CUL9: variants seen among roughly 807,000 people sequenced by gnomAD.
CUL9 encodes the protein cullin-9.
CUL9 carries 79 observed loss-of-function variants against 272.6 expected under a neutral mutation model. That is an observed-to-expected ratio of 0.29 (90% CI 0.24 to 0.35). The LOEUF is 0.35. Ranked by LOEUF, CUL9 falls within the 10% of genes least tolerant of loss-of-function variation. The probability of loss-of-function intolerance (pLI) is 1.00; values close to 1 mark genes in which losing one functional copy is unlikely to be tolerated. For synonymous variants in CUL9, 1,186 were observed against 1,286.5 expected, an observed-to-expected ratio of 0.92 and a Z score of 1.67; for missense variants, 2,532 against 3,255.6, an observed-to-expected ratio of 0.78 and a Z score of 5.41.
At position 43,184,496 on chromosome 6, in the gene CUL9, C is replaced by T; in HGVS notation, c.186C>T (p.His62=). The T allele has an allele frequency of 6.2e-7, 1 of 1,612,974 alleles. No individual in the cohort carries two copies. The highest frequency in any genetic ancestry group is 1.7e-4 in the Middle Eastern group (1 of 6,060). ...GTGTGGAAGAAGGCAAAGCAGAGCACATCCTCATGTGGCTGTCGGCTCCTG... is the reference window on the plus strand; with the variant it reads ...GTGTGGAAGAAGGCAAAGCAGAGCATATCCTCATGTGGCTGTCGGCTCCTG... The part of the protein sequence containing the change: ...KVGVEEGKAE[H]ILMWLSAPEV... The change falls in exon 2 of 41, where the codon CAC becomes CAT. Residue 62 remains histidine (H), a synonymous_variant. Coordinates refer to ENST00000252050, the MANE Select transcript of CUL9 (RefSeq NM_015089.4). This position sits in a 1 kb window ranked among gnomAD's most constrained non-coding sequence, Gnocchi z 4.8.
chr6:43,216,562 C>T (rs1775952786), intron 31 of CUL9, 59 bp downstream of exon 31: 3 of 1,473,072 alleles, frequency 2.0e-6, no homozygotes, highest in Non-Finnish European at 2.7e-6. Context: ...TAACAAAATT[C>T]CTTGGGAATT....
Position 43,223,589 on chromosome 6 carries a change from C to T in CUL9, c.7284+192C>T. On this transcript the variant is annotated intron_variant, in intron 39 of 40. Coordinates refer to ENST00000252050, the MANE Select transcript of CUL9 (RefSeq NM_015089.4). This position sits in a 1 kb window ranked among gnomAD's most constrained non-coding sequence, Gnocchi z 4.1. Reference sequence around the variant, plus strand: ...GATGCTGCTGGACCCTATCACTTCACCTCCTGGGGATTCCTACAAAATAAA... The same window carrying T: ...GATGCTGCTGGACCCTATCACTTCATCTCCTGGGGATTCCTACAAAATAAA... 4.4e-6 allele frequency: 3 copies of T among 677,044 alleles called. No homozygotes were observed. The South Asian group carries it at 6.3e-5, about 14-fold the overall frequency. 41.9% of individuals were successfully genotyped at this position (677,044 alleles called of 1,614,324 possible). A position where few individuals can be genotyped will look rare whatever the true frequency, so the allele number is the denominator to read the frequency against.
intron 30 of CUL9, among the ~76,000 whole-genome samples, chr6:43,215,686 G>A (rs944889470): frequency 2.0e-5 from 3 of 152,306 alleles, no homozygotes; most frequent in South Asian, 2.1e-4. Flanking sequence ...CATGCCTGCT[G>A]TTTGCATCAT....
chr6:43,223,212 G>A lies in CUL9; in HGVS notation c.7151-52G>A. The stretch of plus-strand genomic sequence containing the variant: ...TTCCATAGGTGTTTGTTGGAGGAAG[G>A]AATGGATGAGAATGAGAAGGGAGGG... On this transcript the variant is annotated intron_variant, in intron 38 of 40. Coordinates refer to ENST00000252050, the MANE Select transcript of CUL9 (RefSeq NM_015089.4). This position sits in a 1 kb window ranked among gnomAD's most constrained non-coding sequence, Gnocchi z 4.1. The A allele has an allele frequency of 6.5e-7, 1 of 1,548,202 alleles. No individual in the cohort carries two copies. Among genetic ancestry groups the A allele is most frequent in the Non-Finnish European group, 8.8e-7 (1 of 1,141,430 alleles).
At position 43,213,514 on chromosome 6, in the gene CUL9, C is replaced by T. The variant is rs1435524746; in HGVS notation, c.5435C>T (p.Thr1812Ile). 2.5e-6 allele frequency: 4 copies of T among 1,613,680 alleles called. No homozygotes were observed. In the East Asian group the frequency reaches 8.9e-5, roughly 36 times the overall value. ...ELLLQALVPL[T>I]SGNGPLTLHE... ...CTGCTCCAGGCACTCGTGCCCCTCA[C>T]CTCAGGGAATGGCCCTTTGACCCTG... Residue 1812 changes from threonine (T) to isoleucine (I), a missense_variant, in exon 28 of 41, where the codon ACC becomes ATC. This residue lies in a region of CUL9 where 2,218 missense variants were observed against 2,788.6 expected (regional missense o/e 0.80). Coordinates refer to ENST00000252050, the MANE Select transcript of CUL9 (RefSeq NM_015089.4). This position sits in a 1 kb window ranked among gnomAD's most constrained non-coding sequence, Gnocchi z 5.7.
At chr6:43,216,862 G>A (rs1775983761) in intron 31 of CUL9, among the ~76,000 whole-genome samples, 1 of 152,156 alleles carries the variant, frequency 6.6e-6, no homozygotes, top group South Asian at 2.1e-4. Context: ...GCCTCCTCAC[G>A]GGATTCCCAT....
Position 43,216,147 on chromosome 6 carries a change from C to A in CUL9, c.5937-11C>A, listed in dbSNP as rs375700030. 78 of 1,596,342 alleles carry A rather than the reference C, an allele frequency of 4.9e-5. No individual in the cohort carries two copies. In the African/African-American group the frequency reaches 9.7e-4, roughly 20 times the overall value. On this transcript the variant is annotated splice_polypyrimidine_tract_variant and intron_variant, in intron 30 of 40. Coordinates refer to ENST00000252050, the MANE Select transcript of CUL9 (RefSeq NM_015089.4). ...AGGAATACTGACTTCTGTCTCTTCC[C>A]TCCCCACAAGCCCAGAAGCTGTGGC...
chr6:43,210,345 A>T (rs1325663378), intron 26 of CUL9, among the ~76,000 whole-genome samples: 1 of 152,202 alleles, frequency 6.6e-6, no homozygotes, highest in Non-Finnish European at 1.5e-5. Context: ...CAGGTTATGC[A>T]TTCCCAGGCA....
At chr6:43,188,754 T>G (rs760912226) in intron 8 of CUL9, 39 bp downstream of exon 8, 7 of 1,509,986 alleles carry the variant, frequency 4.6e-6, no homozygotes, top group South Asian at 2.5e-5. Flanking sequence ...TGGTTGAAGC[T>G]GTAGGCAAAG....
At position 43,206,542 on chromosome 6, in the gene CUL9, G is replaced by A. The variant is rs200458887; in HGVS notation, c.5212+32G>A. The A allele has an allele frequency of 1.3e-5, 21 of 1,606,490 alleles. 1 individual carries two copies. The highest frequency in any genetic ancestry group is 4.4e-5 in the South Asian group (4 of 90,898). On this transcript the variant is annotated intron_variant, in intron 26 of 40. Coordinates refer to ENST00000252050, the MANE Select transcript of CUL9 (RefSeq NM_015089.4). This position sits in a 1 kb window ranked among gnomAD's most constrained non-coding sequence, Gnocchi z 4.8. ...AACTAGGGAGAGGAAATTGGAGATC[G>A]GGGTGAGATTCGGGGTGGCAAGAGA...
At position 43,216,418 on chromosome 6, in the gene CUL9, G is replaced by C. The variant is rs200491438; in HGVS notation, c.6197G>C (p.Arg2066Pro). ...CVHQAQAVPV[R>P]PDHCPVCVSP... ...CACCAGGCTCAGGCTGTACCCGTAC[G>C]GCCTGACCACTGCCCCGTCTGTGTG... is the stretch of plus-strand genomic sequence containing the variant. The change falls in exon 31 of 41, where the codon CGG (arginine) becomes CCG (proline). Residue 2066 changes from arginine to proline, a missense_variant. By Grantham distance (103) the Arg-to-Pro change is moderately radical. Around this residue, in one of 3 missense-constraint regions of CUL9, gnomAD observed 2,218 missense variants for 2,788.6 expected, o/e 0.80. Coordinates refer to ENST00000252050, the MANE Select transcript of CUL9 (RefSeq NM_015089.4). The C allele has an allele frequency of 6.2e-6, 10 of 1,613,594 alleles. No homozygotes were observed. Among genetic ancestry groups the C allele is most frequent in the Admixed American group, 5.0e-5 (3 of 60,006 alleles).
Position 43,221,943 on chromosome 6 carries a change from G to A in CUL9, c.6846+165G>A, listed in dbSNP as rs1776401850. ...AGAGCCACCTGGGCCTGCAGATGCT[G>A]GAAAGTCTGTTCACAGGGACCTTCA... On this transcript the variant is annotated intron_variant, in intron 35 of 40. Transcript: ENST00000252050. This position sits in a 1 kb window ranked among gnomAD's most constrained non-coding sequence, Gnocchi z 4.2. 3.2e-6 allele frequency: 2 copies of A among 629,744 alleles called. No individual in the cohort carries two copies. The highest frequency in any genetic ancestry group is 2.0e-5 in the South Asian group (1 of 50,650). 39.0% of individuals were successfully genotyped at this position (629,744 alleles called of 1,614,324 possible). A position where few individuals can be genotyped will look rare whatever the true frequency, so the allele number is the denominator to read the frequency against.
At chr6:43,211,539 C>CA (rs1387915308) in intron 26 of CUL9, among the ~76,000 whole-genome samples, 1 of 152,112 alleles carries the variant, frequency 6.6e-6, no homozygotes, top group East Asian at 1.9e-4. Flanking sequence ...GCCTGGGGGA[C>CA]AGAGTGAGAC....
intron 11 of CUL9, 131 bp downstream of exon 11, chr6:43,196,993 A>C: frequency 1.4e-6 from 1 of 724,898 alleles, no homozygotes; most frequent in Non-Finnish European, 2.3e-6. Context: ...GTTAGGTCTT[A>C]AGTAGAACTT....
At chr6:43,193,922 A>T (rs1014469691) in intron 9 of CUL9, among the ~76,000 whole-genome samples, 4 of 151,444 alleles carry the variant, frequency 2.6e-5, no homozygotes, top group Non-Finnish European at 5.9e-5. Flanking sequence ...AACCAAAAGT[A>T]TTTTTTTTTC....
intron 6 of CUL9, 80 bp from the exon 7 acceptor site, chr6:43,187,633 G>A (rs1773048969): frequency 1.3e-6 from 2 of 1,482,196 alleles, no homozygotes; most frequent in Admixed American, 3.5e-5. Flanking sequence ...GCATGGTAGG[G>A]AGTGATCACC....
Position 43,187,255 on chromosome 6 carries a change from C to T in CUL9, c.1397C>T (p.Ser466Phe). ...ATGCCTGTGTCCTCAGCATTTCCCT[C>T]CTGGGACTGGAATCCTATGGATGGG... ...GATVLGTAFPSWDWNPMDGLY... is the reference protein window; with the variant it reads ...GATVLGTAFPFWDWNPMDGLY... Residue 466 changes from serine to phenylalanine, a missense_variant, in exon 6 of 41, where the codon TCC becomes TTC. Physicochemically the swap from Ser to Phe is radical, Grantham distance 155. Coordinates refer to ENST00000252050, the MANE Select transcript of CUL9 (RefSeq NM_015089.4). The T allele has an allele frequency of 3.7e-6, 6 of 1,613,864 alleles. 1 individual carries two copies. Among genetic ancestry groups the T allele is most frequent in the Middle Eastern group, 1.7e-4 (1 of 5,982 alleles).
At chr6:43,195,975 C>A in intron 9 of CUL9, 94 bp from the exon 10 acceptor site, 1 of 1,033,152 alleles carries the variant, frequency 9.7e-7, no homozygotes, top group Non-Finnish European at 1.5e-6. Flanking sequence ...GCAAACAGCT[C>A]AGCTGCCCCA....
At chr6:43,216,654 T>G (rs1410035047) in intron 31 of CUL9, 151 bp downstream of exon 31, 2 of 746,122 alleles carry the variant, frequency 2.7e-6, no homozygotes, top group Non-Finnish European at 4.2e-6. Flanking sequence ...AAACTAGTTT[T>G]GTCATCTGTA....
Sources: gnomAD v4.1 joint callset for allele counts (sites outside exome capture counted in the v4.1 genomes callset) on GRCh38, gnomAD v4.1.1 for gene constraint, gnomAD v4.1.1 regional missense constraint, Gnocchi (gnomAD v3.1) non-coding constraint, MANE v1.5 for transcripts, NCBI Gene and HGNC (gene_info 2026-07-23, HGNC 2026-07-21) for gene names.